Variants in RTN1 observed in about 807,000 individuals in gnomAD.
RTN1 encodes the protein reticulon-1.
A neutral mutation model predicts 65.5 loss-of-function variants in RTN1; 25 were observed. The observed-to-expected ratio is 0.38, with a 90% confidence interval of 0.28 to 0.53. The LOEUF is 0.53. RTN1 is among the 20% of genes least tolerant of loss of function. RTN1 has a pLI of 0.79. For synonymous variants in RTN1, 471 were observed against 447.6 expected, an observed-to-expected ratio of 1.05 and a Z score of -0.66; for missense variants, 983 against 1,025.4, an observed-to-expected ratio of 0.96 and a Z score of 0.57.
chr14:59,690,326 T>C (rs190470682), intron 3 of RTN1, among the ~76,000 whole-genome samples: 44 of 151,980 alleles, frequency 2.9e-4, no homozygotes, highest in Non-Finnish European at 4.9e-4. Flanking sequence ...ATTATCCTTA[T>C]ATCATATAAG....
chr14:59,727,155 G>A lies in RTN1; in HGVS notation c.1529C>T (p.Ala510Val), dbSNP rs753478557. ...CTCGGCCAGGCCCCGCCGGCTTGGC[G>A]CACGCTCCTCGGCCCGGACGCCAGT... is the stretch of plus-strand genomic sequence containing the variant. ...EETGVRAEER[A>V]PSRRGLAEPG... The change falls in exon 3 of 9, where the codon GCG (alanine) becomes GTG (valine). Residue 510 changes from alanine to valine, a missense_variant. Coordinates refer to ENST00000267484, the MANE Select transcript of RTN1 (RefSeq NM_021136.3). The surrounding 1 kb of genome is among the most constrained non-coding windows in gnomAD (Gnocchi z 4.2). The A allele has an allele frequency of 1.9e-6, 3 of 1,597,706 alleles. No homozygotes were observed. The highest frequency in any genetic ancestry group is 1.3e-5 in the African/African-American group (1 of 74,652).
At chr14:59,611,011 C>CCCA (rs1881931764) in intron 3 of RTN1, among the ~76,000 whole-genome samples, 1 of 152,178 alleles carries the variant, frequency 6.6e-6, no homozygotes, top group Non-Finnish European at 1.5e-5. Flanking sequence ...CTGGCTTCCC[C>CCCA]CCACCCACAA....
chr14:59,674,846 T>C (rs1332607931), intron 3 of RTN1, among the ~76,000 whole-genome samples: 2 of 152,172 alleles, frequency 1.3e-5, no homozygotes, highest in Admixed American at 6.5e-5. Flanking sequence ...GACAAAGTTA[T>C]CTATACAAAC....
chr14:59,841,881 T>C (rs10146617), intron 1 of RTN1, among the ~76,000 whole-genome samples: 39,830 of 151,484 alleles, frequency 0.26, 5,533 homozygotes, highest in East Asian at 0.55. Flanking sequence ...AATCCCAGCA[T>C]TTTGGGAGGC....
chr14:59,672,932 G>A (rs1012386968), intron 3 of RTN1, among the ~76,000 whole-genome samples: 4 of 152,246 alleles, frequency 2.6e-5, no homozygotes, highest in African/African-American at 7.2e-5. Flanking sequence ...GAGCCACCGC[G>A]CCCGGCCAAG....
chr14:59,607,715 T>C (rs376921430), intron 3 of RTN1: 33 of 562,576 alleles, frequency 5.9e-5, no homozygotes, highest in African/African-American at 5.8e-4. Context: ...CAAATTCACA[T>C]ATAAGAAAAG....
In RTN1 at chr14:59,749,995, A is replaced by ATATATTATATAT. The variant is rs1555358796; in HGVS notation, c.242-3515_242-3514insATATATAATATA. ...TACATATATTATATATTATATACAT[A>ATATATTATATAT]TATATTATATACATATATATTATAT... On this transcript the variant is annotated intron_variant, in intron 1 of 8. Transcript: ENST00000267484. Among the ~76,000 whole-genome samples the ATATATTATATAT allele has an allele frequency of 6.3e-4, 39 of 62,132 alleles. 1 individual carries two copies. The highest frequency in any genetic ancestry group is 2.7e-3 in the African/African-American group (35 of 13,114). 40.8% of individuals were successfully genotyped at this position (62,132 alleles called of 152,430 possible).
intron 3 of RTN1, among the ~76,000 whole-genome samples, chr14:59,679,362 C>T (rs1014948535): frequency 2.0e-5 from 3 of 152,152 alleles, no homozygotes; most frequent in African/African-American, 7.2e-5. Context: ...TCATCTTTAC[C>T]ATTGTATCAA....
intron 2 of RTN1, among the ~76,000 whole-genome samples, chr14:59,740,816 A>T (rs914294672): frequency 7.9e-5 from 12 of 152,196 alleles, no homozygotes; most frequent in Admixed American, 2.0e-4. Flanking sequence ...TTTGCTTAAA[A>T]TTTCAACAAT....
intron 1 of RTN1, among the ~76,000 whole-genome samples, chr14:59,814,564 A>G (rs1468692170): frequency 6.6e-6 from 1 of 152,208 alleles, no homozygotes; most frequent in Non-Finnish European, 1.5e-5. Context: ...TCACTCTCAC[A>G]TTTTTTAATC....
intron 1 of RTN1, among the ~76,000 whole-genome samples, chr14:59,853,863 CTTTT>C (rs71111670): frequency 3.2e-5 from 4 of 126,692 alleles, no homozygotes; most frequent in Admixed American, 8.5e-5. Flanking sequence ...TAAACTTTTA[CTTTT>C]TTTTTTTTTT....
chr14:59,597,958 T>A (rs947540193), intron 8 of RTN1, among the ~76,000 whole-genome samples: 3 of 152,034 alleles, frequency 2.0e-5, no homozygotes, highest in African/African-American at 7.2e-5. Flanking sequence ...TTGGAGTTTG[T>A]GGGATGCGGT....
At chr14:59,672,870 G>A (rs1388867137) in intron 3 of RTN1, among the ~76,000 whole-genome samples, 1 of 151,352 alleles carries the variant, frequency 6.6e-6, no homozygotes, top group Non-Finnish European at 1.5e-5. Context: ...TCGATCTCCT[G>A]ACCTCATGAT....
Position 59,727,264 on chromosome 14 carries a change from A to G in RTN1, c.1420T>C (p.Ser474Pro). Residue 474 changes from serine to proline, a missense_variant, in exon 3 of 9, where the codon TCC becomes CCC. Ser to Pro is a moderately conservative substitution (Grantham distance 74). Transcript: ENST00000267484. The surrounding 1 kb of genome is among the most constrained non-coding windows in gnomAD (Gnocchi z 4.2). ...TTGGGGCTCTCCTCCGAGGCCGAGG[A>G]GGCGTCGCACGACTCGATGATGAGC... ...SELIIESCDA[S>P]SASEESPKRE... is the part of the protein sequence containing the mutation. 1 of 1,516,866 alleles carries G rather than the reference A, an allele frequency of 6.6e-7. No individual in the cohort carries two copies. The highest frequency in any genetic ancestry group is 8.8e-7 in the Non-Finnish European group (1 of 1,131,764). The allele number at this position is 1,516,866 out of a possible 1,614,324, so 94.0% of individuals were successfully genotyped here. A position where few individuals can be genotyped will look rare whatever the true frequency, so the allele number is the denominator to read the frequency against.
Position 59,612,742 on chromosome 14 carries a change from A to G in RTN1, c.1766-5250T>C, listed in dbSNP as rs111418964. Among the ~76,000 whole-genome samples, 238 of 152,312 alleles carry G rather than the reference A, an allele frequency of 1.6e-3. 1 individual carries two copies. Among genetic ancestry groups the G allele is most frequent in the African/African-American group, 3.6e-3 (148 of 41,580 alleles). The stretch of plus-strand genomic sequence containing the variant: ...TCCTTAGGAGCTTAACCTTGTGACC[A>G]TGCGGGGATACTTTCTTTTGGTTTC... On this transcript the variant is annotated intron_variant, in intron 3 of 8. Transcript: ENST00000267484.
chr14:59,660,950 G>C (rs1566675982), intron 3 of RTN1, among the ~76,000 whole-genome samples: 1 of 151,416 alleles, frequency 6.6e-6, no homozygotes, highest in African/African-American at 2.4e-5. Flanking sequence ...TCCAGGAGCT[G>C]TTTTTTTTGA....
chr14:59,639,595 T>C (rs1380986496), intron 3 of RTN1, among the ~76,000 whole-genome samples: 1 of 152,186 alleles, frequency 6.6e-6, no homozygotes, highest in African/African-American at 2.4e-5. Flanking sequence ...AACAGATTAT[T>C]CTTTGTCTTA....
At chr14:59,737,695 G>C (rs1405326374) in intron 2 of RTN1, among the ~76,000 whole-genome samples, 2 of 152,160 alleles carry the variant, frequency 1.3e-5, no homozygotes, top group African/African-American at 4.8e-5. Flanking sequence ...AAGAGAGCCA[G>C]AATAGCCAAG....
intron 1 of RTN1, among the ~76,000 whole-genome samples, chr14:59,847,013 G>A (rs1394632931): frequency 6.6e-6 from 1 of 152,188 alleles, no homozygotes; most frequent in African/African-American, 2.4e-5. Flanking sequence ...AGAAATAACA[G>A]TTTTAAGTGG....
Sources: allele counts gnomAD v4.1 joint callset (sites outside exome capture counted in the v4.1 genomes callset), GRCh38; gene constraint gnomAD v4.1.1; non-coding constraint Gnocchi (gnomAD v3.1); transcripts MANE v1.5; gene names NCBI Gene and HGNC (gene_info 2026-07-23, HGNC 2026-07-21).